Variants in SDCBP observed in about 807,000 individuals in gnomAD.
SDCBP encodes syndecan binding protein, also known as syntenin-1.
Under a neutral mutation model 30.5 loss-of-function variants are expected in SDCBP, and 22 were observed. The observed-to-expected ratio is 0.72, with a 90% CI of 0.52 to 1.03. SDCBP has a LOEUF of 1.03. SDCBP is among the 50% of genes least tolerant of loss of function. The pLI is 0.00. For synonymous variants in SDCBP, 103 were observed against 118.7 expected, an observed-to-expected ratio of 0.87 and a Z score of 0.86; for missense variants, 304 against 369.9, an observed-to-expected ratio of 0.82 and a Z score of 1.46.
intron 5 of SDCBP, among the ~76,000 whole-genome samples, chr8:58,577,777 A>G (rs1455088584): frequency 6.6e-6 from 1 of 152,200 alleles, no homozygotes; most frequent in Non-Finnish European, 1.5e-5. Flanking sequence ...CAGGTGGGTC[A>G]TGATTTGGTA....
chr8:58,559,410 G>A (rs528916409), intron 1 of SDCBP, among the ~76,000 whole-genome samples: 2 of 152,308 alleles, frequency 1.3e-5, no homozygotes, highest in Admixed American at 1.3e-4. Flanking sequence ...TAGAATGGCT[G>A]AAAGTTTAAA....
intron 1 of SDCBP, chr8:58,561,847 G>A (rs1311014156): frequency 7.8e-6 from 5 of 644,932 alleles, no homozygotes; most frequent in African/African-American, 1.8e-5. Context: ...AAGTTTAAGT[G>A]CCTGTAACTA....
chr8:58,553,596 A>G (rs1803933235), intron 1 of SDCBP, among the ~76,000 whole-genome samples: 1 of 151,168 alleles, frequency 6.6e-6, no homozygotes, highest in South Asian at 2.1e-4. Flanking sequence ...GGGCTGGCAG[A>G]GCCCGGAGGC....
chr8:58,558,502 C>A (rs1448230163), intron 1 of SDCBP, among the ~76,000 whole-genome samples: 1 of 152,122 alleles, frequency 6.6e-6, no homozygotes, highest in Admixed American at 6.6e-5. Context: ...AAGCTGGTCG[C>A]AAACTCCTGG....
At chr8:58,569,412 C>T (rs953612990) in intron 2 of SDCBP, among the ~76,000 whole-genome samples, 2 of 152,012 alleles carry the variant, frequency 1.3e-5, no homozygotes, top group Non-Finnish European at 2.9e-5. Flanking sequence ...GTTGCCCAGG[C>T]TGGTCTTGAA....
At chr8:58,563,840 G>A (rs902409214) in intron 1 of SDCBP, among the ~76,000 whole-genome samples, 3 of 152,152 alleles carry the variant, frequency 2.0e-5, no homozygotes, top group African/African-American at 7.2e-5. Flanking sequence ...TGAAGTTGCC[G>A]GATACCATGC....
intron 4 of SDCBP, among the ~76,000 whole-genome samples, 185 bp downstream of exon 4, chr8:58,572,499 T>G (rs961767146): frequency 1.4e-4 from 21 of 152,310 alleles, no homozygotes; most frequent in African/African-American, 3.8e-4. Flanking sequence ...TACACTGTTT[T>G]GAGTTTATTA....
chr8:58,555,371 CAAAGGCTTGCTGTCAGAG>C (rs1239994375), intron 1 of SDCBP, among the ~76,000 whole-genome samples: 1 of 152,140 alleles, frequency 6.6e-6, no homozygotes, highest in Non-Finnish European at 1.5e-5. Flanking sequence ...GAGTGTTTCT[CAAAGGCTTGCTGTCAGAG>C]AATGTCAAAC....
At chr8:58,569,586 T>G (rs775862038) in intron 2 of SDCBP, among the ~76,000 whole-genome samples, 12 of 152,230 alleles carry the variant, frequency 7.9e-5, no homozygotes, top group Non-Finnish European at 1.5e-4. Flanking sequence ...GAGATTGGCT[T>G]CTTTCACTTA....
intron 2 of SDCBP, among the ~76,000 whole-genome samples, chr8:58,567,436 C>G (rs1804760316): frequency 6.6e-6 from 1 of 152,208 alleles, no homozygotes; most frequent in Non-Finnish European, 1.5e-5. Context: ...AGTATACCTT[C>G]TGTCCTCACA....
At chr8:58,560,001 G>A (rs1400481456) in intron 1 of SDCBP, among the ~76,000 whole-genome samples, 2 of 152,218 alleles carry the variant, frequency 1.3e-5, no homozygotes, top group African/African-American at 2.4e-5. Flanking sequence ...CTGCCCAAGG[G>A]TCTGGTTTTT....
chr8:58,557,031 A>G (rs1340210741), intron 1 of SDCBP, among the ~76,000 whole-genome samples: 1 of 134,562 alleles, frequency 7.4e-6, no homozygotes, highest in Non-Finnish European at 1.5e-5. Context: ...ACTATATTAT[A>G]AGTATATAAG....
At chr8:58,559,363 T>C (rs563238014) in intron 1 of SDCBP, among the ~76,000 whole-genome samples, 2 of 152,366 alleles carry the variant, frequency 1.3e-5, no homozygotes, top group African/African-American at 4.8e-5. Context: ...CTTTGCATTT[T>C]GTATATTATA....
At position 58,578,199 on chromosome 8, in the gene SDCBP, T is replaced by C. The variant is rs1805456619; in HGVS notation, c.569T>C (p.Ile190Thr). The change falls in exon 6 of 9, where the codon ATT becomes ACT. Residue 190 changes from isoleucine (I) to threonine (T), a missense_variant. Physicochemically the swap from Ile to Thr is moderately conservative, Grantham distance 89. Transcript: ENST00000260130. Reference sequence around the variant, plus strand: ...TTTGGAGAGAAGATTACCATGACCATTCGTGACAGGTAAGCTGTTACTAAA... The same window carrying C: ...TTTGGAGAGAAGATTACCATGACCACTCGTGACAGGTAAGCTGTTACTAAA... ...QAFGEKITMT[I>T]RDRPFERTIT... 7 of 1,557,312 alleles carry C rather than the reference T, an allele frequency of 4.5e-6. No homozygotes were observed. Among genetic ancestry groups the C allele is most frequent in the Non-Finnish European group, 6.1e-6 (7 of 1,156,228 alleles).
chr8:58,563,248 C>T (rs185488815), intron 1 of SDCBP, among the ~76,000 whole-genome samples: 2 of 152,208 alleles, frequency 1.3e-5, no homozygotes, highest in East Asian at 1.9e-4. Flanking sequence ...TATTATTCTG[C>T]TATGAAAATG....
chr8:58,581,478 TAC>T (rs1419368605), intron 8 of SDCBP, among the ~76,000 whole-genome samples: 1 of 152,154 alleles, frequency 6.6e-6, no homozygotes, highest in East Asian at 1.9e-4. Flanking sequence ...TCTAGCCAAA[TAC>T]AGATAGTCTT....
intron 1 of SDCBP, among the ~76,000 whole-genome samples, chr8:58,563,094 T>C (rs565256979): frequency 2.0e-5 from 3 of 152,318 alleles, no homozygotes; most frequent in East Asian, 3.9e-4. Context: ...TAAAAAAGTA[T>C]ATAAACTTAC....
At chr8:58,565,880 G>T (rs1804682323) in intron 2 of SDCBP, among the ~76,000 whole-genome samples, 1 of 152,072 alleles carries the variant, frequency 6.6e-6, no homozygotes, top group African/African-American at 2.4e-5. Flanking sequence ...AATTTGACAA[G>T]ATAAACGAAA....
At chr8:58,559,124 G>C (rs1174851312) in intron 1 of SDCBP, among the ~76,000 whole-genome samples, 5 of 152,076 alleles carry the variant, frequency 3.3e-5, no homozygotes, top group African/African-American at 1.2e-4. Flanking sequence ...TTGAGTTGCT[G>C]GTGTGTGAAT....
Sources: gnomAD v4.1 joint callset for allele counts (sites outside exome capture counted in the v4.1 genomes callset) on GRCh38, gnomAD v4.1.1 for gene constraint, MANE v1.5 for transcripts, NCBI Gene and HGNC (gene_info 2026-07-23, HGNC 2026-07-21) for gene names.